The following L3MBTL3 variants were observed in gnomAD, a reference collection of about 807,000 sequenced individuals.
The protein encoded by L3MBTL3 is L3MBTL histone methyl-lysine binding protein 3.
L3MBTL3 carries 27 observed loss-of-function variants against 102.3 expected under a neutral mutation model. The observed-to-expected ratio is 0.26, with a 90% confidence interval of 0.19 to 0.36. The LOEUF is 0.36. Ranked by LOEUF, L3MBTL3 falls within the 10% of genes least tolerant of loss-of-function variation. The pLI, the probability that L3MBTL3 is intolerant of heterozygous loss-of-function variation, is 1.00. For synonymous variants in L3MBTL3, 340 were observed against 320.9 expected, an observed-to-expected ratio of 1.06 and a Z score of -0.64; for missense variants, 798 against 955.3, an observed-to-expected ratio of 0.84 and a Z score of 2.17.
At chr6:130,091,764 C>T (rs572192484) in intron 16 of L3MBTL3, among the ~76,000 whole-genome samples, 5 of 152,004 alleles carry the variant, frequency 3.3e-5, no homozygotes, top group African/African-American at 1.2e-4. Flanking sequence ...CACAGAAAGA[C>T]AAATATTGCT....
chr6:130,135,086 T>C (rs1787492062), intron 22 of L3MBTL3, among the ~76,000 whole-genome samples: 1 of 150,240 alleles, frequency 6.7e-6, no homozygotes, highest in Non-Finnish European at 1.5e-5. Flanking sequence ...TTTTTTTTTT[T>C]TTTTAAATCG....
rs377641552 is a variant in L3MBTL3 at position 130,111,081 on chromosome 6, G to C, written c.1886+6506G>C. On this transcript the variant is annotated intron_variant, in intron 19 of 22. Transcript: ENST00000361794. ...CACTTTGCCACACAAGAGACAATTT[G>C]CATCCTTGGAAGCAAACTCTGAGAC... Among the ~76,000 whole-genome samples the C allele has an allele frequency of 5.2e-4, 79 of 152,062 alleles. 1 individual carries two copies. The Middle Eastern group carries it at 0.017, about 33-fold the overall frequency.
intron 12 of L3MBTL3, 95 bp from the exon 13 acceptor site, chr6:130,070,881 A>T (rs1315103573): frequency 5.9e-6 from 4 of 682,756 alleles, no homozygotes; most frequent in Non-Finnish European, 8.6e-6. Context: ...ACAGCAGTGG[A>T]TGCTGGGCCT....
intron 10 of L3MBTL3, among the ~76,000 whole-genome samples, chr6:130,060,416 G>A (rs911078632): frequency 6.6e-6 from 1 of 152,014 alleles, no homozygotes; most frequent in African/African-American, 2.4e-5. Flanking sequence ...ACCAGTGTCT[G>A]TCTGATGCCA....
intron 19 of L3MBTL3, among the ~76,000 whole-genome samples, chr6:130,118,058 C>A (rs1450197679): frequency 2.6e-5 from 4 of 151,900 alleles, no homozygotes; most frequent in Admixed American, 2.6e-4. Context: ...AATACAGAGT[C>A]AGTCTCTTCA....
intron 2 of L3MBTL3, among the ~76,000 whole-genome samples, chr6:130,029,043 G>A (rs1269676932): frequency 6.6e-6 from 1 of 151,948 alleles, no homozygotes; most frequent in East Asian, 1.9e-4. Context: ...GATTCATTTG[G>A]TAAGTTTTAT....
intron 5 of L3MBTL3, among the ~76,000 whole-genome samples, chr6:130,050,103 T>C (rs868641467): frequency 6.6e-6 from 1 of 152,236 alleles, no homozygotes. Flanking sequence ...TAGGCTCTTC[T>C]CAACTCTCAT....
intron 20 of L3MBTL3, among the ~76,000 whole-genome samples, chr6:130,126,077 C>G (rs1582631595): frequency 6.6e-6 from 1 of 151,434 alleles, no homozygotes; most frequent in East Asian, 1.9e-4. Context: ...CCCTCCCTCG[C>G]TCCCTCCCTC....
At chr6:130,057,959 A>C (rs915867336) in intron 9 of L3MBTL3, among the ~76,000 whole-genome samples, 2 of 151,472 alleles carry the variant, frequency 1.3e-5, no homozygotes, top group Non-Finnish European at 2.9e-5. Flanking sequence ...CTGGCTAACA[A>C]GGTGAAACCC....
chr6:130,061,230 G>A (rs1043770348), intron 10 of L3MBTL3, among the ~76,000 whole-genome samples: 9 of 151,970 alleles, frequency 5.9e-5, no homozygotes, highest in Admixed American at 4.6e-4. Flanking sequence ...GACTACAGGC[G>A]CGTGCCACCT....
chr6:130,073,757 ATTCTAAAAAGATCCTGGG>A (rs1782778233), intron 13 of L3MBTL3, among the ~76,000 whole-genome samples: 1 of 152,156 alleles, frequency 6.6e-6, no homozygotes, highest in Admixed American at 6.6e-5. Flanking sequence ...AAGATCCTGG[ATTCTAAAAAGATCCTGGG>A]TTCTAAAAAT....
intron 2 of L3MBTL3, among the ~76,000 whole-genome samples, chr6:130,033,420 A>G (rs1227430139): frequency 1.3e-5 from 2 of 152,234 alleles, no homozygotes; most frequent in East Asian, 1.9e-4. Context: ...GTCATATAGT[A>G]GGCATCATAG....
At chr6:130,139,245 C>T (rs1788055785) in intron 22 of L3MBTL3, among the ~76,000 whole-genome samples, 1 of 151,864 alleles carries the variant, frequency 6.6e-6, no homozygotes, top group African/African-American at 2.4e-5. Context: ...ATTCATGTAC[C>T]TGTTATCTCT....
intron 13 of L3MBTL3, among the ~76,000 whole-genome samples, chr6:130,075,618 T>C (rs1782902283): frequency 6.6e-6 from 1 of 152,174 alleles, no homozygotes; most frequent in African/African-American, 2.4e-5. Context: ...CAGAGAAGTT[T>C]AGTGCTGAAG....
intron 15 of L3MBTL3, among the ~76,000 whole-genome samples, chr6:130,084,641 T>A (rs1017630207): frequency 1.3e-5 from 2 of 152,210 alleles, no homozygotes; most frequent in African/African-American, 4.8e-5. Context: ...ACCCTTTAAC[T>A]TTAAATTCTT....
chr6:130,125,481 T>C (rs1386023416), intron 20 of L3MBTL3, among the ~76,000 whole-genome samples: 1 of 152,188 alleles, frequency 6.6e-6, no homozygotes, highest in Admixed American at 6.5e-5. Flanking sequence ...AGAGGCCCCA[T>C]GGTAATTGTT....
chr6:130,132,640 G>A (rs1019616085), intron 20 of L3MBTL3, among the ~76,000 whole-genome samples: 16 of 152,198 alleles, frequency 1.1e-4, no homozygotes, highest in African/African-American at 3.9e-4. Flanking sequence ...AGGAGACGAC[G>A]ATTGACAGCT....
intron 20 of L3MBTL3, among the ~76,000 whole-genome samples, chr6:130,131,898 C>T (rs934684032): frequency 1.3e-5 from 2 of 152,138 alleles, no homozygotes; most frequent in Non-Finnish European, 2.9e-5. Flanking sequence ...TCTTTATGAC[C>T]TGTATCTTGT....
At chr6:130,049,677 C>T in intron 4 of L3MBTL3, 79 bp from the exon 5 acceptor site, 2 of 1,575,510 alleles carry the variant, frequency 1.3e-6, no homozygotes. Flanking sequence ...AGCCAAAAGC[C>T]TGCCACTTTT....
Sources: gnomAD v4.1 joint callset for allele counts (sites outside exome capture counted in the v4.1 genomes callset) on GRCh38, gnomAD v4.1.1 for gene constraint, MANE v1.5 for transcripts, NCBI Gene and HGNC (gene_info 2026-07-23, HGNC 2026-07-21) for gene names.